EPHA7: variants seen among roughly 807,000 people sequenced by gnomAD.
EPHA7 encodes EPH receptor A7.
EPHA7 carries 25 observed loss-of-function variants against 112.6 expected under a neutral mutation model. The observed-to-expected ratio is 0.22, with a 90% confidence interval of 0.16 to 0.31. The LOEUF is 0.31. EPHA7 is among the 10% of genes least tolerant of loss of function. EPHA7 has a pLI of 1.00. For missense variants in EPHA7, 962 were observed against 1,212.6 expected, an observed-to-expected ratio of 0.79 and a Z score of 3.07; for synonymous variants, 437 against 406.5, an observed-to-expected ratio of 1.07 and a Z score of -0.90.
chr6:93,347,901 A>T (rs1775481524), intron 5 of EPHA7, among the ~76,000 whole-genome samples: 1 of 151,892 alleles, frequency 6.6e-6, no homozygotes, highest in Non-Finnish European at 1.5e-5. Context: ...TTTCCCAAGT[A>T]TGTAAACATC....
chr6:93,283,760 G>C (rs1003128145), intron 5 of EPHA7, among the ~76,000 whole-genome samples: 2 of 152,118 alleles, frequency 1.3e-5, no homozygotes, highest in Non-Finnish European at 2.9e-5. Flanking sequence ...ACGAGGGTCC[G>C]CGGCTTCATT....
rs1307601558 is a variant in EPHA7, at chr6:93,405,318, G to T, written c.832+5183C>A. Among the ~76,000 whole-genome samples, 6 of 151,726 alleles carry T rather than the reference G, an allele frequency of 4.0e-5. No individual in the cohort carries two copies. In the South Asian group the frequency reaches 6.2e-4, roughly 16 times the overall value. On this transcript the variant is annotated intron_variant, in intron 3 of 16. Transcript: ENST00000369303. The stretch of plus-strand genomic sequence containing the variant: ...GATACACCTTAACTTTGGACATTTA[G>T]GTTATTATCAATAATTAAAATTGCA...
chr6:93,252,029 TGTATAG>T (rs1770239487), intron 14 of EPHA7, among the ~76,000 whole-genome samples: 1 of 152,018 alleles, frequency 6.6e-6, no homozygotes, highest in South Asian at 2.1e-4. Flanking sequence ...AGTCTGGTCA[TGTATAG>T]GTATATTAGT....
At chr6:93,398,157 T>G (rs931702479) in intron 3 of EPHA7, among the ~76,000 whole-genome samples, 1 of 152,006 alleles carries the variant, frequency 6.6e-6, no homozygotes, top group Non-Finnish European at 1.5e-5. Context: ...TATATATTAT[T>G]TGTATATTCT....
intron 5 of EPHA7, among the ~76,000 whole-genome samples, chr6:93,348,762 A>T (rs2127933657): frequency 6.6e-6 from 1 of 151,972 alleles, no homozygotes; most frequent in East Asian, 1.9e-4. Flanking sequence ...TAGTCTAAGA[A>T]ATTTTCTTTG....
Position 93,254,816 on chromosome 6 carries a change from A to G in EPHA7, c.2383-20T>C, listed in dbSNP as rs764136220. 6.3e-7 allele frequency: 1 copy of G among 1,599,734 alleles called. No individual in the cohort carries two copies. The highest frequency in any genetic ancestry group is 1.1e-5 in the South Asian group (1 of 89,578). ...TCCACCCTGTTATAAAAAGAAATGA[A>G]CATTTTAAATATGTATAATAACTGA... On this transcript the variant is annotated intron_variant, in intron 13 of 16. Transcript: ENST00000369303.
chr6:93,410,793 C>T lies in EPHA7; in HGVS notation c.540G>A (p.Lys180=). 1.9e-6 allele frequency: 3 copies of T among 1,614,072 alleles called. No individual in the cohort carries two copies. The South Asian group carries it at 3.3e-5, about 18-fold the overall frequency. The change falls in exon 3 of 17, where the codon AAG becomes AAA. Residue 180 remains lysine, a synonymous_variant. Coordinates refer to ENST00000369303, the MANE Select transcript of EPHA7 (RefSeq NM_004440.4). This position sits in a 1 kb window ranked among gnomAD's most constrained non-coding sequence, Gnocchi z 4.0. ...EVREIGPLSK[K]GFYLAFQDVG... ...CATCCTGAAAGGCAAGATAGAATCC[C>T]TTTTTGGACAAAGGTCCAATCTCTC...
At chr6:93,345,920 C>A (rs1366912161) in intron 5 of EPHA7, among the ~76,000 whole-genome samples, 1 of 151,526 alleles carries the variant, frequency 6.6e-6, no homozygotes, top group East Asian at 1.9e-4. Context: ...CAATTCATCA[C>A]CAACGAAGCA....
At chr6:93,243,596 C>T (rs1769777566) in intron 16 of EPHA7, 56 bp from the exon 17 acceptor site, 2 of 1,181,670 alleles carry the variant, frequency 1.7e-6, no homozygotes, top group East Asian at 2.3e-5. Context: ...AAATGTGGCA[C>T]TAAACTGTCA....
chr6:93,373,725 G>A (rs1776914511), intron 3 of EPHA7, among the ~76,000 whole-genome samples: 1 of 151,500 alleles, frequency 6.6e-6, no homozygotes, highest in Admixed American at 6.6e-5. Flanking sequence ...AATGACAAAG[G>A]TTTATGCTCT....
At chr6:93,269,724 T>C (rs1488147084) in intron 6 of EPHA7, 64 bp from the exon 7 acceptor site, 4 of 1,300,536 alleles carry the variant, frequency 3.1e-6, no homozygotes, top group Non-Finnish European at 2.1e-6. Flanking sequence ...GACAGCCAAC[T>C]GTTTCAATTT....
At chr6:93,288,513 C>T (rs564238765) in intron 5 of EPHA7, among the ~76,000 whole-genome samples, 2 of 152,276 alleles carry the variant, frequency 1.3e-5, no homozygotes, top group African/African-American at 4.8e-5. Flanking sequence ...ATTAAAATCA[C>T]TGAATTATAC....
chr6:93,317,491 C>A (rs867434235), intron 5 of EPHA7, among the ~76,000 whole-genome samples: 4 of 152,082 alleles, frequency 2.6e-5, no homozygotes, highest in Non-Finnish European at 5.9e-5. Flanking sequence ...ATGGTTAATT[C>A]TCAGATACAT....
In EPHA7 at chr6:93,259,410, T is replaced by A. The variant is rs754002431; in HGVS notation, c.1868A>T (p.Gln623Leu). The A allele has an allele frequency of 1.2e-6, 2 of 1,612,192 alleles. No homozygotes were observed. The highest frequency in any genetic ancestry group is 1.1e-5 in the South Asian group (1 of 91,066). Reference protein sequence around the residue: ...TYEDPNRAVHQFAKELDASCI... With the variant: ...TYEDPNRAVHLFAKELDASCI... ...GGAGGCATCTAGCTCCTTGGCGAAT[T>A]GATGGACAGCTCTATTTGGGTCCTC... The change falls in exon 10 of 17, where the codon CAA becomes CTA. Residue 623 changes from glutamine to leucine, a missense_variant. Physicochemically the swap from Gln to Leu is moderately radical, Grantham distance 113. This residue lies in a region of EPHA7 where 746 missense variants were observed against 889.2 expected (regional missense o/e 0.84). Transcript: ENST00000369303.
chr6:93,417,242 G>A (rs1406393650), intron 1 of EPHA7, among the ~76,000 whole-genome samples: 2 of 152,098 alleles, frequency 1.3e-5, no homozygotes, highest in African/African-American at 4.8e-5. Context: ...ACCCCCAAAT[G>A]CCCCAGGAGG....
At chr6:93,308,136 G>T (rs145420730) in intron 5 of EPHA7, among the ~76,000 whole-genome samples, 1 of 152,126 alleles carries the variant, frequency 6.6e-6, no homozygotes, top group Non-Finnish European at 1.5e-5. Context: ...TGTATCTCAT[G>T]AGATGCTGAC....
At chr6:93,307,981 AC>A (rs1773342196) in intron 5 of EPHA7, among the ~76,000 whole-genome samples, 1 of 152,194 alleles carries the variant, frequency 6.6e-6, no homozygotes, top group Admixed American at 6.6e-5. Context: ...AGATGTCATC[AC>A]TATCAGAATA....
chr6:93,264,649 C>T lies in EPHA7; in HGVS notation c.1687G>A (p.Val563Ile). ...NPVIIIAVVA[V>I]AGTIILVFMV... ...AACACCAAAATGATGGTCCCAGCTACAGCAACCACAGCAATGATAATAACA... is the reference window on the plus strand; with the variant it reads ...AACACCAAAATGATGGTCCCAGCTATAGCAACCACAGCAATGATAATAACA... Residue 563 changes from valine (V) to isoleucine (I), a missense_variant, in exon 8 of 17, where the codon GTA becomes ATA. Coordinates refer to ENST00000369303, the MANE Select transcript of EPHA7 (RefSeq NM_004440.4). 1.2e-6 allele frequency: 2 copies of T among 1,607,816 alleles called. No homozygotes were observed. The highest frequency in any genetic ancestry group is 1.7e-6 in the Non-Finnish European group (2 of 1,176,012).
chr6:93,371,921 C>T (rs1327755664), intron 3 of EPHA7, among the ~76,000 whole-genome samples: 2 of 152,010 alleles, frequency 1.3e-5, no homozygotes, highest in Non-Finnish European at 2.9e-5. Flanking sequence ...TAAGAACATA[C>T]AGGATAAAAG....
Sources: allele counts gnomAD v4.1 joint callset (sites outside exome capture counted in the v4.1 genomes callset), GRCh38; gene constraint gnomAD v4.1.1; regional missense constraint gnomAD v4.1.1; non-coding constraint Gnocchi (gnomAD v3.1); transcripts MANE v1.5; gene names NCBI Gene and HGNC (gene_info 2026-07-23, HGNC 2026-07-21).